MYO1D: variants seen among roughly 807,000 people sequenced by gnomAD.
MYO1D encodes the protein myosin ID.
MYO1D carries 83 observed loss-of-function variants against 122.0 expected under a neutral mutation model. That is an observed-to-expected ratio of 0.68 (90% CI 0.57 to 0.82). The LOEUF (loss-of-function observed/expected upper bound fraction) is 0.82. MYO1D is among the 40% of genes least tolerant of loss of function. The pLI is 0.00. For missense variants in MYO1D, 1,157 were observed against 1,269.5 expected (o/e 0.91, Z 1.35); for synonymous variants, 464 against 446.9 (o/e 1.04, Z -0.48).
At chr17:32,781,762 G>C (rs983049445) in intron 1 of MYO1D, among the ~76,000 whole-genome samples, 17 of 150,110 alleles carry the variant, frequency 1.1e-4, no homozygotes, top group Non-Finnish European at 1.6e-4. Flanking sequence ...TACAAAGCTT[G>C]AGTAGGTATG....
chr17:32,702,130 T>C (rs1414602877), intron 16 of MYO1D, among the ~76,000 whole-genome samples: 1 of 152,174 alleles, frequency 6.6e-6, no homozygotes, highest in Non-Finnish European at 1.5e-5. Flanking sequence ...AATCCTGATA[T>C]AAGAACAGAA....
chr17:32,732,783 C>T (rs1218460820), intron 14 of MYO1D, among the ~76,000 whole-genome samples: 3 of 152,186 alleles, frequency 2.0e-5, no homozygotes, highest in African/African-American at 4.8e-5. Flanking sequence ...TTGCTTGCCA[C>T]GTTGTGGGTG....
intron 19 of MYO1D, among the ~76,000 whole-genome samples, chr17:32,644,896 C>T (rs188381106): frequency 7.9e-4 from 120 of 152,278 alleles, no homozygotes; most frequent in Admixed American, 2.2e-3. Context: ...TTAATTGGAG[C>T]ATTTTGCATA....
chr17:32,596,403 G>A (rs1597918852), intron 21 of MYO1D, among the ~76,000 whole-genome samples: 1 of 152,158 alleles, frequency 6.6e-6, no homozygotes, highest in East Asian at 1.9e-4. Context: ...CCTTTGGGAG[G>A]TGGCCCCATC....
intron 20 of MYO1D, among the ~76,000 whole-genome samples, chr17:32,616,247 A>C (rs1484322160): frequency 6.6e-6 from 1 of 152,192 alleles, no homozygotes; most frequent in Non-Finnish European, 1.5e-5. Flanking sequence ...CTTGACCTTA[A>C]ACCTGGTATT....
chr17:32,610,287 T>C (rs887572671), intron 20 of MYO1D, among the ~76,000 whole-genome samples: 1 of 152,162 alleles, frequency 6.6e-6, no homozygotes, highest in Non-Finnish European at 1.5e-5. Context: ...GCTGTCTAGG[T>C]GGCTTTATCT....
chr17:32,740,441 T>A (rs1464935145), intron 13 of MYO1D, among the ~76,000 whole-genome samples: 2 of 152,182 alleles, frequency 1.3e-5, no homozygotes, highest in Non-Finnish European at 2.9e-5. Flanking sequence ...TAGGGAGTCA[T>A]TTTAAAGAGA....
intron 21 of MYO1D, among the ~76,000 whole-genome samples, chr17:32,591,999 C>A (rs1434577756): frequency 6.6e-6 from 1 of 152,162 alleles, no homozygotes; most frequent in African/African-American, 2.4e-5. Context: ...ATGGAAATAC[C>A]ATCAAGTATT....
intron 21 of MYO1D, among the ~76,000 whole-genome samples, chr17:32,514,341 C>T (rs1216608906): frequency 1.3e-5 from 2 of 151,358 alleles, no homozygotes; most frequent in Non-Finnish European, 2.9e-5. Flanking sequence ...CATCCTTCCA[C>T]ACTGGCTTCC....
chr17:32,632,862 A>G (rs1333031355), intron 20 of MYO1D, among the ~76,000 whole-genome samples: 1 of 152,172 alleles, frequency 6.6e-6, no homozygotes, highest in East Asian at 1.9e-4. Flanking sequence ...TAACAGACCA[A>G]TAGAACAGAG....
chr17:32,685,506 G>A (rs913131144), intron 16 of MYO1D, among the ~76,000 whole-genome samples: 1 of 152,150 alleles, frequency 6.6e-6, no homozygotes, highest in African/African-American at 2.4e-5. Flanking sequence ...TAACTCCATG[G>A]AATCCACTGT....
chr17:32,550,691 T>C (rs971458922), intron 21 of MYO1D, among the ~76,000 whole-genome samples: 2 of 152,128 alleles, frequency 1.3e-5, no homozygotes, highest in African/African-American at 4.8e-5. Flanking sequence ...CCTATAATAA[T>C]AGAAATAGGA....
chr17:32,566,708 G>A (rs961166414), intron 21 of MYO1D, among the ~76,000 whole-genome samples: 4 of 151,092 alleles, frequency 2.6e-5, no homozygotes, highest in Non-Finnish European at 5.9e-5. Context: ...CAGTAGTTAC[G>A]GTTGTTGTCC....
chr17:32,796,207 T>C (rs1447514628), intron 1 of MYO1D, among the ~76,000 whole-genome samples: 1 of 152,180 alleles, frequency 6.6e-6, no homozygotes, highest in Non-Finnish European at 1.5e-5. Flanking sequence ...TATGGTAACA[T>C]TTGGCTACTT....
intron 21 of MYO1D, among the ~76,000 whole-genome samples, chr17:32,561,996 C>CTTT (rs59585143): frequency 6.7e-6 from 1 of 148,214 alleles, no homozygotes; most frequent in Non-Finnish European, 1.5e-5. Flanking sequence ...TCTTCTCTCT[C>CTTT]TTTTTTTTTT....
At chr17:32,576,238 T>C (rs1369368852) in intron 21 of MYO1D, among the ~76,000 whole-genome samples, 1 of 152,210 alleles carries the variant, frequency 6.6e-6, no homozygotes, top group African/African-American at 2.4e-5. Flanking sequence ...CTAAGCACTA[T>C]GACTGATGGC....
intron 16 of MYO1D, 55 bp from the exon 17 acceptor site, chr17:32,659,393 G>A: frequency 1.3e-6 from 2 of 1,557,538 alleles, no homozygotes; most frequent in Non-Finnish European, 1.8e-6. Context: ...AGTTGTGGAT[G>A]GCTTTGATAT....
At chr17:32,532,526 G>C (rs916693529) in intron 21 of MYO1D, among the ~76,000 whole-genome samples, 2 of 152,084 alleles carry the variant, frequency 1.3e-5, no homozygotes, top group African/African-American at 4.8e-5. Flanking sequence ...AGGAGATCGA[G>C]ACCATCCTGG....
intron 1 of MYO1D, among the ~76,000 whole-genome samples, chr17:32,830,599 A>G (rs895596066): frequency 6.6e-6 from 1 of 152,228 alleles, no homozygotes; most frequent in South Asian, 2.1e-4. Context: ...GTATGAACCC[A>G]TTTTTATTCT....
Sources: allele counts gnomAD v4.1 joint callset (sites outside exome capture counted in the v4.1 genomes callset), GRCh38; gene constraint gnomAD v4.1.1; transcripts MANE v1.5; gene names NCBI Gene and HGNC (gene_info 2026-07-23, HGNC 2026-07-21).